The following KAZN variants were observed in gnomAD, a reference collection of about 807,000 sequenced individuals.
KAZN encodes kazrin.
A neutral mutation model predicts 87.4 loss-of-function variants in KAZN; 40 were observed. The observed-to-expected ratio is 0.46, with a 90% CI of 0.36 to 0.60. The LOEUF is 0.60. KAZN is among the 20% of genes least tolerant of loss of function. The pLI, the probability that KAZN is intolerant of heterozygous loss-of-function variation, is 0.00. For missense variants in KAZN, 898 were observed against 1,073.9 expected, an observed-to-expected ratio of 0.84 and a Z score of 2.29; for synonymous variants, 466 against 458.3, an observed-to-expected ratio of 1.02 and a Z score of -0.22.
chr1:13,920,639 G>A (rs898151246), intron 1 of KAZN, among the ~76,000 whole-genome samples: 4 of 152,202 alleles, frequency 2.6e-5, no homozygotes, highest in African/African-American at 7.2e-5. Flanking sequence ...GATATTTAAG[G>A]GTTTAGGGAG....
In KAZN at chr1:15,099,535, C is replaced by T. The variant is rs984203908; in HGVS notation, c.1548-2008C>T. On this transcript the variant is annotated intron_variant, in intron 10 of 14. Transcript: ENST00000376030. This position sits in a 1 kb window ranked among gnomAD's most constrained non-coding sequence, Gnocchi z 5.4. ...CTGGGCAGGGTTGCAAGGGGCTGGC[C>T]GGGGAGGGGAATGGGGGGTGAAGAG... 1.7e-4 allele frequency among the ~76,000 whole-genome samples: 26 copies of T among 151,486 alleles called. No homozygotes were observed. Among genetic ancestry groups the T allele is most frequent in the East Asian group, 9.8e-4 (5 of 5,104 alleles).
intron 2 of KAZN, among the ~76,000 whole-genome samples, chr1:14,348,646 G>T (rs1178001473): frequency 6.6e-6 from 1 of 152,140 alleles, no homozygotes; most frequent in Non-Finnish European, 1.5e-5. Context: ...GCGAAGAGGG[G>T]GATAGTTCAC....
chr1:14,843,905 T>A (rs1432888610), intron 1 of KAZN, among the ~76,000 whole-genome samples: 1 of 152,218 alleles, frequency 6.6e-6, no homozygotes, highest in African/African-American at 2.4e-5. Context: ...CTCACTCGAC[T>A]GGACAAAGAC....
intron 1 of KAZN, among the ~76,000 whole-genome samples, chr1:14,119,388 C>T (rs781453777): frequency 9.2e-5 from 14 of 152,240 alleles, no homozygotes; most frequent in South Asian, 6.2e-4. Flanking sequence ...TCAGACAGTT[C>T]GCTGTTGGAT....
chr1:14,940,379 A>G (rs945238765), intron 1 of KAZN, among the ~76,000 whole-genome samples: 1 of 152,152 alleles, frequency 6.6e-6, no homozygotes, highest in Non-Finnish European at 1.5e-5. Flanking sequence ...GCATCCACCC[A>G]TTGGCCTGTG....
chr1:15,094,520 A>G lies in KAZN; in HGVS notation c.1428+135A>G. 1 of 818,674 alleles carries G rather than the reference A, an allele frequency of 1.2e-6. No homozygotes were observed. The highest frequency in any genetic ancestry group is 1.9e-6 in the Non-Finnish European group (1 of 519,180). 50.7% of individuals were successfully genotyped at this position (818,674 alleles called of 1,614,324 possible). ...AATCTAGGAGCTAGCCAATGCAATC[A>G]GCCTCTGATGTACCTGCTCATTGTG... On this transcript the variant is annotated intron_variant, in intron 9 of 14. Coordinates refer to ENST00000376030, the MANE Select transcript of KAZN (RefSeq NM_201628.3). This position sits in a 1 kb window ranked among gnomAD's most constrained non-coding sequence, Gnocchi z 4.5.
chr1:15,080,976 C>T (rs1038207878), intron 8 of KAZN, among the ~76,000 whole-genome samples: 3 of 152,244 alleles, frequency 2.0e-5, no homozygotes, highest in Non-Finnish European at 2.9e-5. Context: ...CCCCAAATGC[C>T]GAGTGCCAAA....
intron 1 of KAZN, among the ~76,000 whole-genome samples, chr1:14,900,400 A>G (rs1655731293): frequency 6.6e-6 from 1 of 152,122 alleles, no homozygotes. Flanking sequence ...ACCATCTGTA[A>G]AATGGGCACA....
At chr1:15,008,849 G>C (rs1205622075) in intron 2 of KAZN, among the ~76,000 whole-genome samples, 2 of 152,180 alleles carry the variant, frequency 1.3e-5, no homozygotes, top group African/African-American at 4.8e-5. Context: ...TCCCCTGCCA[G>C]CCACAGTCCT....
chr1:14,656,200 G>C (rs1046635832), intron 1 of KAZN, among the ~76,000 whole-genome samples: 2 of 152,150 alleles, frequency 1.3e-5, no homozygotes, highest in African/African-American at 2.4e-5. Flanking sequence ...TCATTCTCGG[G>C]GTAGGCTTAA....
intron 2 of KAZN, among the ~76,000 whole-genome samples, chr1:14,462,969 TC>T (rs1193530603): frequency 6.6e-6 from 1 of 152,116 alleles, no homozygotes; most frequent in Admixed American, 6.5e-5. Flanking sequence ...TAGACAGCAA[TC>T]TTTTATTGAA....
intron 2 of KAZN, among the ~76,000 whole-genome samples, chr1:14,425,565 G>A (rs916505624): frequency 1.3e-5 from 2 of 152,152 alleles, no homozygotes; most frequent in African/African-American, 4.8e-5. Context: ...ATGGGCTCTT[G>A]AATCAGACAA....
intron 2 of KAZN, among the ~76,000 whole-genome samples, chr1:15,016,176 C>T (rs1573070702): frequency 1.3e-5 from 2 of 152,132 alleles, no homozygotes; most frequent in East Asian, 3.8e-4. Flanking sequence ...ATCTACAGGC[C>T]GACGGACGCC....
At chr1:14,818,582 G>A (rs763295405) in intron 1 of KAZN, among the ~76,000 whole-genome samples, 2 of 152,222 alleles carry the variant, frequency 1.3e-5, no homozygotes, top group African/African-American at 4.8e-5. Flanking sequence ...CCCAGCAACA[G>A]CACGGGTTTT....
At chr1:14,488,792 G>C (rs1669487683) in intron 2 of KAZN, among the ~76,000 whole-genome samples, 2 of 152,174 alleles carry the variant, frequency 1.3e-5, no homozygotes, top group Admixed American at 1.3e-4. Context: ...CTTCCCGTTA[G>C]CCCTCTCCAT....
chr1:14,819,052 T>C (rs1238622488), intron 1 of KAZN, among the ~76,000 whole-genome samples: 1 of 151,842 alleles, frequency 6.6e-6, no homozygotes, highest in Non-Finnish European at 1.5e-5. Flanking sequence ...CGAAACTCTG[T>C]CTCAAAAAAA....
intron 2 of KAZN, among the ~76,000 whole-genome samples, chr1:14,492,569 C>T (rs1258678312): frequency 8.9e-6 from 1 of 111,736 alleles, no homozygotes; most frequent in Non-Finnish European, 1.9e-5. Flanking sequence ...AGGGCCAGGA[C>T]TGCTGCCCTT....
chr1:14,773,360 C>T lies in KAZN; in HGVS notation c.226+174137C>T, dbSNP rs147671043. On this transcript the variant is annotated intron_variant, in intron 1 of 14. Transcript: ENST00000376030. This position sits in a 1 kb window ranked among gnomAD's most constrained non-coding sequence, Gnocchi z 5.9. ...CCTCCCACCTCACCTGCCCACGATG[C>T]CATTGCTTCAAATGGCTTTCAACAA... 4.6e-3 allele frequency among the ~76,000 whole-genome samples: 694 copies of T among 152,266 alleles called. 11 individuals are homozygous for T. Among genetic ancestry groups the T allele is most frequent in the African/African-American group, 0.016 (669 of 41,532 alleles).
chr1:14,843,682 A>C (rs1648307314), intron 1 of KAZN, among the ~76,000 whole-genome samples: 1 of 152,226 alleles, frequency 6.6e-6, no homozygotes, highest in East Asian at 1.9e-4. Context: ...TATACTCTTA[A>C]GATATTTTAA....
Sources: gnomAD v4.1 joint callset for allele counts (sites outside exome capture counted in the v4.1 genomes callset) on GRCh38, gnomAD v4.1.1 for gene constraint, Gnocchi (gnomAD v3.1) non-coding constraint, MANE v1.5 for transcripts, NCBI Gene and HGNC (gene_info 2026-07-23, HGNC 2026-07-21) for gene names.